The following EEFSEC variants were observed in gnomAD, a reference collection of about 807,000 sequenced individuals.
The protein encoded by EEFSEC is eukaryotic elongation factor, selenocysteine-tRNA specific.
EEFSEC carries 43 observed loss-of-function variants against 42.1 expected under a neutral mutation model. That is an observed-to-expected ratio of 1.02 (90% confidence interval 0.80 to 1.32). EEFSEC has a LOEUF of 1.32. Ranked by LOEUF, EEFSEC falls within the 40% of genes most tolerant of loss-of-function variation. EEFSEC has a pLI of 0.00. For synonymous variants in EEFSEC, 354 were observed against 339.1 expected, an observed-to-expected ratio of 1.04 and a Z score of -0.48; for missense variants, 745 against 803.6, an observed-to-expected ratio of 0.93 and a Z score of 0.88.
chr3:128,401,628 G>T (rs2068048798), intron 6 of EEFSEC, among the ~76,000 whole-genome samples: 1 of 152,200 alleles, frequency 6.6e-6, no homozygotes, highest in Admixed American at 6.5e-5. Flanking sequence ...GTCAGAGAGG[G>T]AGGAGGGGTG....
chr3:128,404,245 G>A (rs763723289), intron 6 of EEFSEC, among the ~76,000 whole-genome samples: 3 of 152,360 alleles, frequency 2.0e-5, no homozygotes, highest in South Asian at 4.1e-4. Context: ...CTTTGGTCAG[G>A]CTTTCCAGGT....
At chr3:128,212,251 C>T (rs902371906) in intron 1 of EEFSEC, among the ~76,000 whole-genome samples, 6 of 152,138 alleles carry the variant, frequency 3.9e-5, no homozygotes, top group Non-Finnish European at 8.8e-5. Flanking sequence ...CTGTGGGAGC[C>T]CCTGGGAGGC....
chr3:128,238,140 A>G (rs1323053761), intron 1 of EEFSEC, among the ~76,000 whole-genome samples: 1 of 152,158 alleles, frequency 6.6e-6, no homozygotes, highest in Non-Finnish European at 1.5e-5. Context: ...GATTAGAACT[A>G]ATGCAGAAGT....
At chr3:128,333,144 C>T (rs1318392775) in intron 4 of EEFSEC, among the ~76,000 whole-genome samples, 1 of 152,228 alleles carries the variant, frequency 6.6e-6, no homozygotes, top group Non-Finnish European at 1.5e-5. Flanking sequence ...CCAGGAGCTT[C>T]CAGGCTCATT....
chr3:128,414,023 G>A, the EEFSEC span, among the ~76,000 whole-genome samples: 1 of 152,224 alleles, frequency 6.6e-6, no homozygotes, highest in Admixed American at 6.5e-5. Flanking sequence ...TGGTCCTCCA[G>A]CTCCGACCCG....
intron 1 of EEFSEC, among the ~76,000 whole-genome samples, chr3:128,191,365 G>A (rs2065522579): frequency 6.6e-6 from 1 of 151,956 alleles, no homozygotes; most frequent in South Asian, 2.1e-4. Flanking sequence ...TGATCATTTA[G>A]CTCACTGCAA....
At chr3:128,221,021 G>T (rs757451433) in intron 1 of EEFSEC, among the ~76,000 whole-genome samples, 29 of 152,186 alleles carry the variant, frequency 1.9e-4, no homozygotes, top group Non-Finnish European at 4.0e-4. Context: ...TCAGTGTTTT[G>T]AGTGCTGAAA....
At chr3:128,182,041 G>C (rs2065411565) in intron 1 of EEFSEC, among the ~76,000 whole-genome samples, 2 of 152,154 alleles carry the variant, frequency 1.3e-5, no homozygotes, top group Admixed American at 1.3e-4. Context: ...CTTGGCTCCT[G>C]CCCTCAAGTG....
chr3:128,272,684 A>G (rs2811415), intron 4 of EEFSEC, among the ~76,000 whole-genome samples: 122,542 of 152,184 alleles, frequency 0.81, 49,686 homozygotes, highest in East Asian at 0.99. Context: ...GCTGTTAGGA[A>G]CACAATTAAG....
chr3:128,411,795 G>T (rs776937041), downstream of EEFSEC, among the ~76,000 whole-genome samples: 3 of 152,218 alleles, frequency 2.0e-5, no homozygotes, highest in Admixed American at 2.0e-4. Context: ...TCTCGTAAAC[G>T]GGAAGCCCTG....
rs375652781 is a variant in EEFSEC at position 128,393,673 on chromosome 3, C to T, written c.1601-14396C>T. Reference sequence around the variant, plus strand: ...ACAGACTGTGTTTTGGAAGAAAAGACGCACAGTGCCACTAGACAAGGCCCT... The same window carrying T: ...ACAGACTGTGTTTTGGAAGAAAAGATGCACAGTGCCACTAGACAAGGCCCT... On this transcript the variant is annotated intron_variant, in intron 6 of 6. Transcript: ENST00000254730. Among the ~76,000 whole-genome samples, 22 of 152,380 alleles carry T rather than the reference C, an allele frequency of 1.4e-4. No homozygotes were observed. In the South Asian group the frequency reaches 2.3e-3, roughly 16 times the overall value.
intron 6 of EEFSEC, among the ~76,000 whole-genome samples, chr3:128,399,733 G>A (rs1257302061): frequency 6.6e-6 from 1 of 151,782 alleles, no homozygotes; most frequent in Non-Finnish European, 1.5e-5. Context: ...CCCTCTCAGG[G>A]AGCGCTCACA....
chr3:128,332,570 G>C (rs1271826711), intron 4 of EEFSEC, among the ~76,000 whole-genome samples: 3 of 152,134 alleles, frequency 2.0e-5, no homozygotes, highest in Non-Finnish European at 4.4e-5. Flanking sequence ...TCCCACCCCA[G>C]CATCCCAAGT....
chr3:128,419,034 G>A, the EEFSEC span, among the ~76,000 whole-genome samples: 1 of 152,160 alleles, frequency 6.6e-6, no homozygotes, highest in Non-Finnish European at 1.5e-5. Context: ...TGGTCAAACT[G>A]GTAAAAATTT....
chr3:128,210,680 A>T (rs752047557), intron 1 of EEFSEC, among the ~76,000 whole-genome samples: 2 of 152,226 alleles, frequency 1.3e-5, no homozygotes, highest in Admixed American at 6.5e-5. Context: ...CTAGCCTCAG[A>T]TTCAGCCAAT....
At chr3:128,392,228 G>C (rs960964101) in intron 6 of EEFSEC, among the ~76,000 whole-genome samples, 3 of 152,206 alleles carry the variant, frequency 2.0e-5, no homozygotes, top group African/African-American at 7.2e-5. Context: ...CCAGCCCCCC[G>C]TGAGGGCAGC....
chr3:128,286,171 A>G (rs1178495906), intron 4 of EEFSEC, among the ~76,000 whole-genome samples: 1 of 152,182 alleles, frequency 6.6e-6, no homozygotes, highest in Non-Finnish European at 1.5e-5. Flanking sequence ...TTACTGCTGT[A>G]TGGGGTCCTA....
chr3:128,338,598 C>T, intron 4 of EEFSEC, among the ~76,000 whole-genome samples: 1 of 152,144 alleles, frequency 6.6e-6, no homozygotes, highest in East Asian at 1.9e-4. Context: ...GCCTCAGGGG[C>T]AAAGCACAGA....
At chr3:128,206,850 G>A (rs544137140) in intron 1 of EEFSEC, among the ~76,000 whole-genome samples, 9 of 152,188 alleles carry the variant, frequency 5.9e-5, no homozygotes, top group African/African-American at 9.6e-5. Flanking sequence ...GACTTCTCAC[G>A]GCTGGCCCGG....
Sources: allele counts gnomAD v4.1 joint callset (sites outside exome capture counted in the v4.1 genomes callset), GRCh38; gene constraint gnomAD v4.1.1; transcripts MANE v1.5; gene names NCBI Gene and HGNC (gene_info 2026-07-23, HGNC 2026-07-21).